CXCL13: variants seen among roughly 807,000 people sequenced by gnomAD.
CXCL13 encodes C-X-C motif chemokine ligand 13.
In CXCL13, 7 loss-of-function variants were observed where a neutral mutation model predicts 12.2. That is an observed-to-expected ratio of 0.57 (90% CI 0.33 to 1.07). The LOEUF (loss-of-function observed/expected upper bound fraction) is 1.07, where lower values mean the gene tolerates loss of function less well. Ranked by LOEUF, CXCL13 falls within the 50% of genes least tolerant of loss-of-function variation. The probability of loss-of-function intolerance (pLI) is 0.04; values close to 1 mark genes in which losing one functional copy is unlikely to be tolerated. For missense variants in CXCL13, 113 were observed against 127.4 expected (o/e 0.89, Z 0.55); for synonymous variants, 47 against 42.4 (o/e 1.11, Z -0.42).
chr4:77,560,990 G>C (rs921502386), intron 1 of CXCL13, among the ~76,000 whole-genome samples: 10 of 152,104 alleles, frequency 6.6e-5, no homozygotes, highest in African/African-American at 2.4e-4. Context: ...GGAACCCCAG[G>C]CAGTTAAGTT....
intron 1 of CXCL13, among the ~76,000 whole-genome samples, chr4:77,536,540 G>A (rs1275728053): frequency 2.0e-5 from 3 of 152,144 alleles, no homozygotes; most frequent in Non-Finnish European, 2.9e-5. Context: ...CATCTGTAAG[G>A]AGGGATAAAA....
intron 1 of CXCL13, among the ~76,000 whole-genome samples, chr4:77,559,908 C>T (rs1438325213): frequency 1.9e-4 from 23 of 122,802 alleles, no homozygotes; most frequent in Non-Finnish European, 2.2e-4. Flanking sequence ...GGTGAGAGAG[C>T]GAGACTCCAT....
intron 1 of CXCL13, among the ~76,000 whole-genome samples, chr4:77,531,122 A>T (rs1004771306): frequency 1.8e-4 from 26 of 147,790 alleles, no homozygotes; most frequent in Non-Finnish European, 3.7e-4. Flanking sequence ...TATTATTATT[A>T]TTATTATTAT....
rs1725368208 is a variant in CXCL13, at chr4:77,546,496, A to T, written c.-43+34708A>T. On this transcript the variant is annotated intron_variant, in intron 1 of 4. Coordinates refer to the CXCL13 transcript ENST00000286758. ...CTTGGGAGGGTGTATGTGTCCAGGA[A>T]TTTGTCCATTTCTTCCAGATTTTCT... Among the ~76,000 whole-genome samples, 2 of 152,074 alleles carry T rather than the reference A, an allele frequency of 1.3e-5. 1 individual carries two copies. The highest frequency in any genetic ancestry group is 2.9e-5 in the Non-Finnish European group (2 of 67,996).
At chr4:77,555,093 A>G (rs1389377661) in intron 1 of CXCL13, among the ~76,000 whole-genome samples, 2 of 151,972 alleles carry the variant, frequency 1.3e-5, no homozygotes, top group Non-Finnish European at 2.9e-5. Context: ...GAATAAAATA[A>G]ATGAAATTTG....
At chr4:77,550,882 T>C (rs1038827235) in intron 1 of CXCL13, among the ~76,000 whole-genome samples, 1 of 152,244 alleles carries the variant, frequency 6.6e-6, no homozygotes, top group Non-Finnish European at 1.5e-5. Flanking sequence ...CTTTGTCCTT[T>C]TTTACTGTTG....
intron 1 of CXCL13, among the ~76,000 whole-genome samples, chr4:77,589,880 C>T (rs1726566832): frequency 6.6e-6 from 1 of 152,214 alleles, no homozygotes; most frequent in East Asian, 1.9e-4. Flanking sequence ...ACAGACAACA[C>T]ACTGAAACAC....
intron 1 of CXCL13, among the ~76,000 whole-genome samples, chr4:77,571,855 G>T (rs12504615): frequency 6.6e-6 from 1 of 151,722 alleles, no homozygotes; most frequent in Non-Finnish European, 1.5e-5. Flanking sequence ...CACTCACCGC[G>T]AAGATCTGCA....
rs1051705434 is a variant in CXCL13, at chr4:77,576,351, T to C, written c.-42-29473T>C. ...TATGGCCTTTAATAATTGAGTAAGTTATACTCCTGTGACCAAAATTTGGGG... is the reference window on the plus strand; with the variant it reads ...TATGGCCTTTAATAATTGAGTAAGTCATACTCCTGTGACCAAAATTTGGGG... On this transcript the variant is annotated intron_variant, in intron 1 of 4. Transcript: ENST00000286758. Among the ~76,000 whole-genome samples the C allele has an allele frequency of 1.3e-5, 2 of 152,244 alleles. 1 individual carries two copies. The highest frequency in any genetic ancestry group is 1.3e-4 in the Admixed American group (2 of 15,286).
At chr4:77,520,136 G>A (rs1056396729) in intron 1 of CXCL13, among the ~76,000 whole-genome samples, 19 of 152,222 alleles carry the variant, frequency 1.2e-4, no homozygotes, top group Non-Finnish European at 2.2e-4. Flanking sequence ...TATAGTTTGA[G>A]GTCAGGTAGC....
chr4:77,513,527 C>T (rs1724324804), intron 1 of CXCL13, among the ~76,000 whole-genome samples: 1 of 151,992 alleles, frequency 6.6e-6, no homozygotes, highest in Non-Finnish European at 1.5e-5. Context: ...TCTCAGCCCA[C>T]TCCAAGCTCC....
chr4:77,591,511 A>G (rs1011600467), intron 1 of CXCL13, among the ~76,000 whole-genome samples: 1 of 145,440 alleles, frequency 6.9e-6, no homozygotes, highest in Non-Finnish European at 1.5e-5. Flanking sequence ...AGATCACGCC[A>G]CTGCACTCCA....
intron 1 of CXCL13, among the ~76,000 whole-genome samples, chr4:77,526,260 G>A (rs1420922639): frequency 6.6e-6 from 1 of 151,460 alleles, no homozygotes; most frequent in Non-Finnish European, 1.5e-5. Flanking sequence ...CCTAGTCTCA[G>A]GTATTCTGTT....
intron 1 of CXCL13, among the ~76,000 whole-genome samples, chr4:77,540,856 A>G (rs1725191363): frequency 6.6e-6 from 1 of 152,230 alleles, no homozygotes; most frequent in South Asian, 2.1e-4. Context: ...CAGAGGCTGC[A>G]CTAATTTACA....
chr4:77,595,184 T>C lies in CXCL13; in HGVS notation c.-42-10640T>C, dbSNP rs565340714. Among the ~76,000 whole-genome samples, 4 of 152,124 alleles carry C rather than the reference T, an allele frequency of 2.6e-5. No individual in the cohort carries two copies. In the South Asian group the frequency reaches 8.3e-4, roughly 32 times the overall value. On this transcript the variant is annotated intron_variant, in intron 1 of 4. Transcript: ENST00000286758. Reference sequence around the variant, plus strand: ...GGCCCCCTAGTTTCCATTCACTTAATGTACTACGGGCAGCCGCTGTTTTTG... The same window carrying C: ...GGCCCCCTAGTTTCCATTCACTTAACGTACTACGGGCAGCCGCTGTTTTTG...
chr4:77,605,428 G>A (rs1688345376), upstream of CXCL13, among the ~76,000 whole-genome samples: 4 of 152,238 alleles, frequency 2.6e-5, no homozygotes, highest in South Asian at 4.2e-4. Flanking sequence ...GACGTGATGC[G>A]CTCGACGGAG....
intron 1 of CXCL13, among the ~76,000 whole-genome samples, chr4:77,592,485 T>A (rs1726637870): frequency 6.6e-6 from 1 of 152,196 alleles, no homozygotes; most frequent in African/African-American, 2.4e-5. Context: ...ACAGGAGGAC[T>A]AAATGGTAAA....
intron 1 of CXCL13, among the ~76,000 whole-genome samples, chr4:77,518,896 C>T (rs1724500051): frequency 6.6e-6 from 1 of 152,190 alleles, no homozygotes; most frequent in Non-Finnish European, 1.5e-5. Context: ...AGTGTTTCTG[C>T]TCTGTTTTTT....
intron 1 of CXCL13, among the ~76,000 whole-genome samples, chr4:77,543,872 T>A (rs762955480): frequency 6.6e-6 from 1 of 152,152 alleles, no homozygotes; most frequent in Non-Finnish European, 1.5e-5. Flanking sequence ...ACATTAGGTA[T>A]TTCTCCTAAT....
Sources: allele counts gnomAD v4.1 joint callset (sites outside exome capture counted in the v4.1 genomes callset), GRCh38; gene constraint gnomAD v4.1.1; transcripts MANE v1.5; gene names NCBI Gene and HGNC (gene_info 2026-07-23, HGNC 2026-07-21).